Variants in CHD7 observed in about 807,000 individuals in gnomAD.
CHD7 encodes chromodomain helicase DNA binding protein 7, also known as ATP-dependent chromatin remodeler CHD7.
A neutral mutation model predicts 307.3 loss-of-function variants in CHD7; 24 were observed. The observed-to-expected ratio is 0.08, with a 90% CI of 0.06 to 0.11. The LOEUF (loss-of-function observed/expected upper bound fraction) is 0.11. Among genes scored for constraint, CHD7 ranks in the 10% least tolerant of loss-of-function variants. The pLI, the probability that CHD7 is intolerant of heterozygous loss-of-function variation, is 1.00. For missense variants in CHD7, 3,106 were observed against 3,727.1 expected (o/e 0.83, Z 4.34); for synonymous variants, 1,363 against 1,349.9 (o/e 1.01, Z -0.21).
intron 7 of CHD7, among the ~76,000 whole-genome samples, chr8:60,810,219 G>C (rs139378490): frequency 5.9e-5 from 9 of 151,894 alleles, no homozygotes; most frequent in Non-Finnish European, 1.3e-4. Flanking sequence ...TAACTTCCCT[G>C]TTTTAGTTAT....
intron 2 of CHD7, among the ~76,000 whole-genome samples, chr8:60,751,386 G>A (rs1809635940): frequency 6.6e-6 from 1 of 152,138 alleles, no homozygotes; most frequent in Non-Finnish European, 1.5e-5. Flanking sequence ...CTCTGGTACA[G>A]CAGAGCAATA....
At chr8:60,864,985 AT>A (rs1806171641) in intron 37 of CHD7, 30 bp from the exon 38 acceptor site, 1 of 1,551,948 alleles carries the variant, frequency 6.4e-7, no homozygotes, top group Admixed American at 1.9e-5. Context: ...GACAGCCTTT[AT>A]AGCCACTGTT....
At chr8:60,839,914 T>C (rs1804894441) in intron 19 of CHD7, among the ~76,000 whole-genome samples, 1 of 152,244 alleles carries the variant, frequency 6.6e-6, no homozygotes, top group African/African-American at 2.4e-5. Flanking sequence ...ACCAAATTTA[T>C]TTTATCGCTT....
At chr8:60,836,319 T>C (rs779032269) in intron 16 of CHD7, 36 bp downstream of exon 16, 11 of 1,581,210 alleles carry the variant, frequency 7.0e-6, no homozygotes, top group Non-Finnish European at 8.6e-6. Context: ...AAAAAGGAAA[T>C]CTAAAATTAC....
At chr8:60,691,094 T>G (rs970905908) in intron 1 of CHD7, among the ~76,000 whole-genome samples, 1 of 152,014 alleles carries the variant, frequency 6.6e-6, no homozygotes, top group African/African-American at 2.4e-5. Context: ...CCTGGCTAAT[T>G]TTTATATTTT....
intron 1 of CHD7, among the ~76,000 whole-genome samples, chr8:60,721,857 A>G (rs1031393464): frequency 6.6e-6 from 1 of 152,220 alleles, no homozygotes; most frequent in African/African-American, 2.4e-5. Context: ...CAGTTGCATT[A>G]TCTGTATAAG....
chr8:60,745,430 G>A (rs1586256701), intron 2 of CHD7, among the ~76,000 whole-genome samples: 1 of 152,264 alleles, frequency 6.6e-6, no homozygotes, highest in East Asian at 1.9e-4. Flanking sequence ...GTGTGAGTCT[G>A]TGGCGTTTGA....
At chr8:60,744,403 G>A (rs1217114293) in intron 2 of CHD7, among the ~76,000 whole-genome samples, 1 of 151,260 alleles carries the variant, frequency 6.6e-6, no homozygotes, top group Non-Finnish European at 1.5e-5. Context: ...AGTGGGAGCA[G>A]AAGGCATTGA....
At chr8:60,717,413 TTTTG>T (rs1194597247) in intron 1 of CHD7, among the ~76,000 whole-genome samples, 1 of 152,202 alleles carries the variant, frequency 6.6e-6, no homozygotes, top group Non-Finnish European at 1.5e-5. Flanking sequence ...GCACTATGTA[TTTTG>T]TTTATCTAGA....
Position 60,865,324 on chromosome 8 carries a change from G to A in CHD7, c.8385G>A (p.Val2795=). The part of the protein sequence containing the change: ...AGGDAKNPAA[V]LPLMLPGMAG... ...GCGATGCGAAGAACCCTGCTGCTGT[G>A]CTGCCCCTGATGCTGCCAGGAATGG... The change falls in exon 38 of 38, where the codon GTG becomes GTA. Residue 2795 remains valine, a synonymous_variant. Coordinates refer to ENST00000423902, the MANE Select transcript of CHD7 (RefSeq NM_017780.4). This position sits in a 1 kb window ranked among gnomAD's most constrained non-coding sequence, Gnocchi z 4.3. 1.2e-6 allele frequency: 2 copies of A among 1,612,080 alleles called. No homozygotes were observed. Among genetic ancestry groups the A allele is most frequent in the Non-Finnish European group, 1.7e-6 (2 of 1,179,298 alleles).
At chr8:60,795,630 G>A (rs183773494) in intron 4 of CHD7, among the ~76,000 whole-genome samples, 1 of 152,124 alleles carries the variant, frequency 6.6e-6, no homozygotes, top group Admixed American at 6.5e-5. Flanking sequence ...CTATGAACAA[G>A]CCAGTGACTT....
intron 23 of CHD7, among the ~76,000 whole-genome samples, chr8:60,847,466 C>T (rs560446880): frequency 2.0e-5 from 3 of 152,238 alleles, no homozygotes; most frequent in South Asian, 4.2e-4. Flanking sequence ...ATAGGGTTAT[C>T]GTGAAGATCA....
At chr8:60,797,481 G>A (rs1812086886) in intron 4 of CHD7, among the ~76,000 whole-genome samples, 1 of 152,128 alleles carries the variant, frequency 6.6e-6, no homozygotes, top group Non-Finnish European at 1.5e-5. Flanking sequence ...TATTGTACTG[G>A]ATGGAACCCT....
chr8:60,685,563 G>C (rs929406016), intron 1 of CHD7, among the ~76,000 whole-genome samples: 2 of 152,266 alleles, frequency 1.3e-5, no homozygotes, highest in Admixed American at 1.3e-4. Flanking sequence ...CTCCCTCGGA[G>C]AGAGTTGTAT....
intron 15 of CHD7, among the ~76,000 whole-genome samples, 164 bp downstream of exon 15, chr8:60,830,741 G>T (rs1458186096): frequency 6.6e-6 from 1 of 152,140 alleles, no homozygotes; most frequent in Non-Finnish European, 1.5e-5. Flanking sequence ...CTCCTTCTGT[G>T]GTTGCTGAAG....
At chr8:60,805,178 C>T (rs1205083271) in intron 6 of CHD7, among the ~76,000 whole-genome samples, 2 of 152,008 alleles carry the variant, frequency 1.3e-5, no homozygotes, top group African/African-American at 4.8e-5. Context: ...CAAACTGCCT[C>T]CCATTTAGTA....
chr8:60,854,494 A>G lies in CHD7; in HGVS notation c.6907A>G (p.Arg2303Gly). 3 of 1,606,286 alleles carry G rather than the reference A, an allele frequency of 1.9e-6. No homozygotes were observed. The highest frequency in any genetic ancestry group is 2.6e-6 in the Non-Finnish European group (3 of 1,174,714). ...DPSVAQLLHE[R>G]TFAFSFWPKD... The stretch of plus-strand genomic sequence containing the variant: ...TTCAGTAGCTCAGCTCCTTCATGAA[A>G]GAACATTTGCCTTCTCGTTTTGGCC... Residue 2303 changes from arginine (R) to glycine (G), a missense_variant, in exon 32 of 38, where the codon AGA becomes GGA. By Grantham distance (125) the Arg-to-Gly change is moderately radical. This residue lies in a region of CHD7 where 1,030 missense variants were observed against 1,165.4 expected (regional missense o/e 0.88). Transcript: ENST00000423902.
chr8:60,680,402 G>C (rs1345911205), intron 1 of CHD7, among the ~76,000 whole-genome samples: 21 of 128,642 alleles, frequency 1.6e-4, no homozygotes, highest in Admixed American at 1.1e-3. Context: ...AGGTCGCGGG[G>C]GGGGGGGGCG....
chr8:60,846,286 C>G (rs1161611181), intron 23 of CHD7, among the ~76,000 whole-genome samples: 1 of 152,090 alleles, frequency 6.6e-6, no homozygotes, highest in East Asian at 1.9e-4. Context: ...TTATTTTTTG[C>G]TTAATATTAC....
Sources: allele counts gnomAD v4.1 joint callset (sites outside exome capture counted in the v4.1 genomes callset), GRCh38; gene constraint gnomAD v4.1.1; regional missense constraint gnomAD v4.1.1; non-coding constraint Gnocchi (gnomAD v3.1); transcripts MANE v1.5; gene names NCBI Gene and HGNC (gene_info 2026-07-23, HGNC 2026-07-21).